Variants in CERS3 observed in about 807,000 individuals in gnomAD.
The protein encoded by CERS3 is ceramide synthase 3, also known as LAG1 homolog, ceramide synthase 3.
CERS3 carries 33 observed loss-of-function variants against 50.3 expected under a neutral mutation model. The observed-to-expected ratio is 0.66, with a 90% confidence interval of 0.50 to 0.88. CERS3 has a LOEUF of 0.88. Among genes scored for constraint, CERS3 ranks in the 40% least tolerant of loss-of-function variants. CERS3 has a pLI of 0.00. For synonymous variants in CERS3, 176 were observed against 155.2 expected (o/e 1.13, Z -0.99); for missense variants, 470 against 460.3 (o/e 1.02, Z -0.19).
chr15:100,407,478 G>A (rs1476813972), intron 11 of CERS3, among the ~76,000 whole-genome samples: 2 of 152,262 alleles, frequency 1.3e-5, no homozygotes, highest in Admixed American at 6.5e-5. Context: ...CATGCACATA[G>A]GTGAAAACCC....
At chr15:100,427,385 A>T (rs933726877) in intron 11 of CERS3, among the ~76,000 whole-genome samples, 9 of 152,356 alleles carry the variant, frequency 5.9e-5, no homozygotes, top group Non-Finnish European at 1.2e-4. Flanking sequence ...ATCAGCCCAT[A>T]TTAAGTGGAA....
intron 8 of CERS3, among the ~76,000 whole-genome samples, chr15:100,473,547 G>T (rs2035033844): frequency 6.6e-6 from 1 of 152,178 alleles, no homozygotes; most frequent in Non-Finnish European, 1.5e-5. Context: ...ACACATGAAA[G>T]CATGCTCAAT....
intron 5 of CERS3, 86 bp downstream of exon 5, chr15:100,484,464 G>T: frequency 1.1e-6 from 1 of 934,634 alleles, no homozygotes; most frequent in Non-Finnish European, 1.7e-6. Flanking sequence ...CCCTCCCTCT[G>T]CTGCTCCGGC....
chr15:100,483,622 C>T (rs549389794), intron 5 of CERS3, among the ~76,000 whole-genome samples: 93 of 151,822 alleles, frequency 6.1e-4, no homozygotes, highest in African/African-American at 2.0e-3. Context: ...GAAATAGTAT[C>T]GGAATAGGAG....
chr15:100,433,100 G>T (rs2033215437), intron 11 of CERS3, among the ~76,000 whole-genome samples: 1 of 152,058 alleles, frequency 6.6e-6, no homozygotes, highest in Admixed American at 6.6e-5. Context: ...GCCAGGTGTG[G>T]TGGCGGGTAC....
chr15:100,432,801 A>G (rs1316519790), intron 11 of CERS3, among the ~76,000 whole-genome samples: 1 of 152,180 alleles, frequency 6.6e-6, no homozygotes, highest in African/African-American at 2.4e-5. Flanking sequence ...GCCTGCAGAA[A>G]CAGAGTCACG....
At chr15:100,525,027 C>G (rs538573224) in intron 1 of CERS3, among the ~76,000 whole-genome samples, 1 of 152,310 alleles carries the variant, frequency 6.6e-6, no homozygotes, top group South Asian at 2.1e-4. Flanking sequence ...TATTTTACCT[C>G]TCCAAATAAC....
At chr15:100,416,878 C>CA (rs1439208363) in intron 11 of CERS3, among the ~76,000 whole-genome samples, 3 of 151,950 alleles carry the variant, frequency 2.0e-5, no homozygotes, top group Non-Finnish European at 4.4e-5. Context: ...AATCAACAAG[C>CA]AAAAAACAAC....
intron 3 of CERS3, among the ~76,000 whole-genome samples, chr15:100,493,707 C>T (rs922800434): frequency 6.6e-6 from 1 of 152,104 alleles, no homozygotes; most frequent in Admixed American, 6.6e-5. Context: ...TCTTCATTCT[C>T]TTTTATTTTG....
intron 10 of CERS3, among the ~76,000 whole-genome samples, chr15:100,462,484 A>C (rs2142213978): frequency 6.6e-6 from 1 of 152,364 alleles, no homozygotes; most frequent in Admixed American, 6.5e-5. Context: ...CTTGTTCTAC[A>C]GGTGAACAAT....
intron 11 of CERS3, among the ~76,000 whole-genome samples, chr15:100,436,128 A>G (rs1408226842): frequency 6.6e-6 from 1 of 152,234 alleles, no homozygotes; most frequent in East Asian, 1.9e-4. Context: ...CTGGGTATAT[A>G]CCCAAAGGAT....
intron 3 of CERS3, among the ~76,000 whole-genome samples, chr15:100,492,168 A>G (rs13380043): frequency 0.018 from 2,721 of 152,302 alleles, 82 homozygotes; most frequent in African/African-American, 0.062. Flanking sequence ...AAGAATGTGT[A>G]TTCTGGTGTT....
intron 11 of CERS3, among the ~76,000 whole-genome samples, chr15:100,421,573 G>GA (rs1450079468): frequency 2.0e-4 from 30 of 148,964 alleles, no homozygotes; most frequent in Middle Eastern, 3.5e-3. Context: ...CACAGAATTG[G>GA]AAAAAACTAC....
intron 11 of CERS3, among the ~76,000 whole-genome samples, chr15:100,420,418 T>C (rs1260756559): frequency 6.6e-6 from 1 of 152,088 alleles, no homozygotes; most frequent in Non-Finnish European, 1.5e-5. Flanking sequence ...AATAACAGGA[T>C]CTGAAATTGT....
chr15:100,406,166 A>T (rs1645699413), intron 11 of CERS3, among the ~76,000 whole-genome samples: 1 of 152,204 alleles, frequency 6.6e-6, no homozygotes, highest in South Asian at 2.1e-4. Context: ...AATTATTAAA[A>T]CAAATAAGAT....
At position 100,471,585 on chromosome 15, in the gene CERS3, T is replaced by A. The variant is rs146092257; in HGVS notation, c.738+1339A>T. Among the ~76,000 whole-genome samples, 297 of 152,280 alleles carry A rather than the reference T, an allele frequency of 2.0e-3. 1 individual carries two copies. The highest frequency in any genetic ancestry group is 6.8e-3 in the African/African-American group (283 of 41,548). On this transcript the variant is annotated intron_variant, in intron 9 of 11. Coordinates refer to ENST00000679737, the MANE Select transcript of CERS3 (RefSeq NM_001378789.1). ...TAAGTCGGGGCCAGTGTGGTCTTAATCTTCTGTCAGGATTACTGAGATACG... is the reference window on the plus strand; with the variant it reads ...TAAGTCGGGGCCAGTGTGGTCTTAAACTTCTGTCAGGATTACTGAGATACG...
intron 11 of CERS3, among the ~76,000 whole-genome samples, chr15:100,435,954 C>T (rs2033383724): frequency 6.6e-6 from 1 of 152,100 alleles, no homozygotes; most frequent in Non-Finnish European, 1.5e-5. Context: ...GAATGGTGAT[C>T]ATTAAAAAGT....
chr15:100,488,493 A>G (rs2035551102), intron 4 of CERS3, among the ~76,000 whole-genome samples: 3 of 152,198 alleles, frequency 2.0e-5, no homozygotes, highest in Non-Finnish European at 4.4e-5. Context: ...TGCTATCTGC[A>G]TGACACTGGC....
At chr15:100,430,235 C>G (rs563798813) in intron 11 of CERS3, among the ~76,000 whole-genome samples, 5 of 151,798 alleles carry the variant, frequency 3.3e-5, no homozygotes, top group African/African-American at 4.8e-5. Context: ...TGGCGTGAAC[C>G]CGGGAGGCGG....
Sources: allele counts gnomAD v4.1 joint callset (sites outside exome capture counted in the v4.1 genomes callset), GRCh38; gene constraint gnomAD v4.1.1; transcripts MANE v1.5; gene names NCBI Gene and HGNC (gene_info 2026-07-23, HGNC 2026-07-21).